Variants in MGAT4A observed in about 807,000 individuals in gnomAD.
MGAT4A encodes the protein N-acetylglucosaminyltransferase IVa.
In MGAT4A, 33 loss-of-function variants were observed where a neutral mutation model predicts 74.1. The observed-to-expected ratio is 0.45, with a 90% CI of 0.34 to 0.60. The LOEUF (loss-of-function observed/expected upper bound fraction) is 0.60, where lower values mean the gene tolerates loss of function less well. Among genes scored for constraint, MGAT4A ranks in the 20% least tolerant of loss-of-function variants. The pLI is 0.02. For synonymous variants in MGAT4A, 198 were observed against 210.4 expected (o/e 0.94, Z 0.51); for missense variants, 479 against 628.3 (o/e 0.76, Z 2.54).
At chr2:98,656,239 G>T in intron 7 of MGAT4A, 113 bp downstream of exon 7, 2 of 805,524 alleles carry the variant, frequency 2.5e-6, no homozygotes, top group East Asian at 2.5e-5. Flanking sequence ...GACTTACCTA[G>T]AATATTTTAC....
intron 2 of MGAT4A, chr2:98,694,930 A>AC (rs574752555): frequency 3.7e-4 from 55 of 149,768 alleles, no homozygotes; most frequent in East Asian, 2.0e-4. Context: ...GAGAGATGCA[A>AC]CCCCCCCCTT....
chr2:98,669,022 AG>A (rs1701875524), intron 4 of MGAT4A, among the ~76,000 whole-genome samples: 1 of 152,176 alleles, frequency 6.6e-6, no homozygotes, highest in Admixed American at 6.5e-5. Flanking sequence ...CATAGGTGGA[AG>A]GGACTTGCCT....
intron 2 of MGAT4A, among the ~76,000 whole-genome samples, chr2:98,678,845 C>T (rs1311215133): frequency 6.6e-6 from 1 of 152,106 alleles, no homozygotes; most frequent in Non-Finnish European, 1.5e-5. Flanking sequence ...ATATTCACAT[C>T]AACCAGATAG....
intron 5 of MGAT4A, among the ~76,000 whole-genome samples, chr2:98,658,904 CTTTAT>C (rs1439727939): frequency 6.6e-6 from 1 of 152,064 alleles, no homozygotes; most frequent in Non-Finnish European, 1.5e-5. Context: ...ATTAATTTTT[CTTTAT>C]TTTCTTTATT....
intron 2 of MGAT4A, among the ~76,000 whole-genome samples, chr2:98,721,114 G>T (rs1188756588): frequency 6.6e-6 from 1 of 152,138 alleles, no homozygotes; most frequent in Non-Finnish European, 1.5e-5. Context: ...AATAATAGAG[G>T]ACAAAGGCAA....
At chr2:98,724,066 T>C (rs1702725409) in intron 2 of MGAT4A, among the ~76,000 whole-genome samples, 1 of 152,242 alleles carries the variant, frequency 6.6e-6, no homozygotes, top group Non-Finnish European at 1.5e-5. Flanking sequence ...GATGGTAAAT[T>C]TGTTTACATG....
intron 2 of MGAT4A, among the ~76,000 whole-genome samples, chr2:98,682,090 C>T (rs896683630): frequency 7.2e-5 from 11 of 151,958 alleles, no homozygotes; most frequent in Non-Finnish European, 1.6e-4. Flanking sequence ...CAGAAGAAGG[C>T]CAATTACTAA....
intron 2 of MGAT4A, among the ~76,000 whole-genome samples, chr2:98,696,676 C>T (rs1702279414): frequency 6.6e-6 from 1 of 152,182 alleles, no homozygotes; most frequent in Non-Finnish European, 1.5e-5. Context: ...TCCAGCCTGT[C>T]TAGTGATTGT....
chr2:98,719,879 T>G (rs561563105), intron 2 of MGAT4A, among the ~76,000 whole-genome samples: 10 of 152,264 alleles, frequency 6.6e-5, no homozygotes, highest in South Asian at 4.1e-4. Context: ...ACTCCTGACC[T>G]CAGGCGATCC....
At chr2:98,634,929 G>C (rs561070207) in intron 14 of MGAT4A, among the ~76,000 whole-genome samples, 1 of 152,084 alleles carries the variant, frequency 6.6e-6, no homozygotes, top group East Asian at 1.9e-4. Flanking sequence ...AGCTGAGGCT[G>C]GAGAGGAGCT....
intron 5 of MGAT4A, among the ~76,000 whole-genome samples, chr2:98,662,305 T>C (rs991659414): frequency 2.0e-5 from 3 of 152,356 alleles, no homozygotes; most frequent in African/African-American, 4.8e-5. Flanking sequence ...AGTCTTAACA[T>C]ATAATTTGAA....
rs151269654 is a variant in MGAT4A at position 98,636,726 on chromosome 2, C to T, written c.1323-131G>A. ...GCAAGCAAAGTTGACAACGCTAGAG[C>T]TTCTAATAACTGCACAGTATGTGTT... On this transcript the variant is annotated intron_variant, in intron 12 of 15. Transcript: ENST00000393487. The T allele has an allele frequency of 1.7e-4, 115 of 692,446 alleles. 2 individuals carry two copies. Among genetic ancestry groups the T allele is most frequent in the African/African-American group, 9.4e-4 (53 of 56,410 alleles). 42.9% of individuals were successfully genotyped at this position (692,446 alleles called of 1,614,324 possible).
rs531692289 is a variant in MGAT4A, at chr2:98,628,401, C to T, written c.1469-2566G>A. Among the ~76,000 whole-genome samples the T allele has an allele frequency of 1.2e-4, 19 of 152,330 alleles. No homozygotes were observed. In the South Asian group the frequency reaches 3.7e-3, roughly 30 times the overall value. On this transcript the variant is annotated intron_variant, in intron 14 of 15. Transcript: ENST00000393487. ...TCCTTAAATAAGTTTACTTTCTCTG[C>T]ACACATTACTTTGGCTGCTGCTATT...
intron 2 of MGAT4A, among the ~76,000 whole-genome samples, chr2:98,704,215 T>C (rs570918924): frequency 6.6e-6 from 1 of 152,306 alleles, no homozygotes; most frequent in South Asian, 2.1e-4. Context: ...CGAAGAAAGC[T>C]ACTTCAGATC....
intron 14 of MGAT4A, among the ~76,000 whole-genome samples, chr2:98,631,646 G>A (rs887862342): frequency 7.9e-5 from 12 of 152,220 alleles, no homozygotes; most frequent in African/African-American, 2.9e-4. Flanking sequence ...TCGGAGGAGA[G>A]CCTAGGCAGC....
chr2:98,724,204 A>C (rs1374558765), intron 2 of MGAT4A, among the ~76,000 whole-genome samples: 2 of 152,164 alleles, frequency 1.3e-5, no homozygotes, highest in African/African-American at 4.8e-5. Flanking sequence ...GAATGAATGA[A>C]AAAACAACAA....
chr2:98,683,319 T>C (rs942370062), intron 2 of MGAT4A, among the ~76,000 whole-genome samples: 1 of 152,198 alleles, frequency 6.6e-6, no homozygotes, highest in Non-Finnish European at 1.5e-5. Flanking sequence ...TTAAATTTCC[T>C]GAATTTGACA....
intron 2 of MGAT4A, among the ~76,000 whole-genome samples, chr2:98,701,947 G>A (rs1482242151): frequency 2.0e-5 from 3 of 152,272 alleles, no homozygotes; most frequent in South Asian, 2.1e-4. Flanking sequence ...GGGCACGTTC[G>A]AGAACTTCCC....
intron 6 of MGAT4A, 28 bp from the exon 7 acceptor site, chr2:98,656,493 T>C (rs1701664265): frequency 6.9e-7 from 1 of 1,451,224 alleles, no homozygotes; most frequent in South Asian, 1.2e-5. Context: ...GCTGAGTTAC[T>C]TAAGTTCTGT....
Sources: gnomAD v4.1 joint callset for allele counts (sites outside exome capture counted in the v4.1 genomes callset) on GRCh38, gnomAD v4.1.1 for gene constraint, MANE v1.5 for transcripts, NCBI Gene and HGNC (gene_info 2026-07-23, HGNC 2026-07-21) for gene names.